Variants in BCAR3 observed in about 807,000 individuals in gnomAD.
The protein encoded by BCAR3 is breast cancer anti-estrogen resistance protein 3.
BCAR3 carries 37 observed loss-of-function variants against 80.1 expected under a neutral mutation model. That is an observed-to-expected ratio of 0.46 (90% CI 0.36 to 0.61). The LOEUF is 0.61. Ranked by LOEUF, BCAR3 falls within the 20% of genes least tolerant of loss-of-function variation. The pLI, the probability that BCAR3 is intolerant of heterozygous loss-of-function variation, is 0.00. For synonymous variants in BCAR3, 389 were observed against 418.9 expected (o/e 0.93, Z 0.87); for missense variants, 978 against 1,068.2 (o/e 0.92, Z 1.18).
At chr1:93,564,286 CTTTCTTT>C (rs1285348203) in intron 11 of BCAR3, among the ~76,000 whole-genome samples, 89 of 109,026 alleles carry the variant, frequency 8.2e-4, no homozygotes, top group Middle Eastern at 0.01. Context: ...GAATTTCTTT[CTTTCTTT>C]TTTTTTTTTT....
At position 93,761,846 on chromosome 1, in the gene BCAR3, C is replaced by CATCA. The variant is rs368160429; in HGVS notation, c.-62-55708_-62-55705dup. On this transcript the variant is annotated intron_variant, in intron 2 of 13. Transcript: ENST00000370244. ...TGCCCATGAGCCAGTCCATTGATTA[C>CATCA]ATCAATAGCATCCTCCCTGCTATTC... Among the ~76,000 whole-genome samples, 509 of 152,282 alleles carry CATCA rather than the reference C, an allele frequency of 3.3e-3. 2 individuals carry two copies. Among genetic ancestry groups the CATCA allele is most frequent in the African/African-American group, 0.012 (481 of 41,556 alleles).
At chr1:93,602,908 C>A (rs1251104093) in intron 3 of BCAR3, among the ~76,000 whole-genome samples, 5 of 152,206 alleles carry the variant, frequency 3.3e-5, no homozygotes, top group African/African-American at 9.6e-5. Context: ...TTGTGGCGAT[C>A]CTAAAGCCTT....
chr1:93,685,265 T>G (rs1355008050), upstream of BCAR3, among the ~76,000 whole-genome samples: 1 of 152,178 alleles, frequency 6.6e-6, no homozygotes, highest in Non-Finnish European at 1.5e-5. Flanking sequence ...CTTACCTCTG[T>G]CTCCCATCTG....
At chr1:93,826,127 TA>T in intron 2 of BCAR3, among the ~76,000 whole-genome samples, 1 of 152,106 alleles carries the variant, frequency 6.6e-6, no homozygotes. Context: ...CCTGCCATGG[TA>T]AGGACTCCAG....
At chr1:93,635,343 A>G (rs1313050273) in intron 3 of BCAR3, among the ~76,000 whole-genome samples, 1 of 150,754 alleles carries the variant, frequency 6.6e-6, no homozygotes, top group Non-Finnish European at 1.5e-5. Flanking sequence ...GTTTTTGTCA[A>G]TTACGAATAA....
At chr1:93,568,228 A>G (rs1326113412) in intron 9 of BCAR3, 4 of 162,540 alleles carry the variant, frequency 2.5e-5, no homozygotes, top group Non-Finnish European at 5.4e-5. Flanking sequence ...CTTTTGCTTA[A>G]ATTTTGGAAC....
chr1:93,638,015 C>T (rs1290539463), intron 3 of BCAR3, among the ~76,000 whole-genome samples: 2 of 152,098 alleles, frequency 1.3e-5, no homozygotes, highest in Non-Finnish European at 1.5e-5. Flanking sequence ...TTTGGGAGGC[C>T]GAGGTGAGTG....
Position 93,795,750 on chromosome 1 carries a change from A to G in BCAR3, c.-63+49817T>C, listed in dbSNP as rs1159943125. On this transcript the variant is annotated intron_variant, in intron 2 of 13. Transcript: ENST00000370244. ...AGGCGCTCTGCTTTTTAGAGTTTCC[A>G]GTTTTTCTGTTCTGTTTTTTCCCCA... Among the ~76,000 whole-genome samples, 8 of 860 alleles carry G rather than the reference A, an allele frequency of 9.3e-3. No homozygotes were observed. In the African/African-American group the frequency reaches 0.11, roughly 12 times the overall value. The allele number at this position is 860 out of a possible 152,430, so 0.6% of individuals were successfully genotyped here.
intron 9 of BCAR3, among the ~76,000 whole-genome samples, chr1:93,569,064 ACTGACT>A (rs1673097019): frequency 6.6e-6 from 1 of 152,204 alleles, no homozygotes; most frequent in Non-Finnish European, 1.5e-5. Context: ...AGCATACACC[ACTGACT>A]CTGACTGTCC....
chr1:93,608,995 G>A (rs1487449110), intron 3 of BCAR3, among the ~76,000 whole-genome samples: 1 of 152,180 alleles, frequency 6.6e-6, no homozygotes, highest in Non-Finnish European at 1.5e-5. Flanking sequence ...TCCCCAAGCT[G>A]TCACCGTAAC....
At chr1:93,577,136 A>G (rs894191397) in intron 7 of BCAR3, among the ~76,000 whole-genome samples, 4 of 152,180 alleles carry the variant, frequency 2.6e-5, no homozygotes, top group African/African-American at 4.8e-5. Flanking sequence ...CCGGGGTGAG[A>G]GCAAGACACT....
chr1:93,596,091 GCTAT>G (rs1674409281), intron 3 of BCAR3, among the ~76,000 whole-genome samples: 1 of 152,328 alleles, frequency 6.6e-6, no homozygotes, highest in African/African-American at 2.4e-5. Context: ...CCTCTGTGTG[GCTAT>G]CTGTGTCCTC....
At chr1:93,639,215 G>C (rs1391244007) in intron 3 of BCAR3, among the ~76,000 whole-genome samples, 1 of 152,106 alleles carries the variant, frequency 6.6e-6, no homozygotes, top group East Asian at 1.9e-4. Context: ...TGAATGTACT[G>C]CAACACAAAC....
chr1:93,829,047 G>A (rs769985884), intron 2 of BCAR3, among the ~76,000 whole-genome samples: 4 of 152,138 alleles, frequency 2.6e-5, no homozygotes, highest in Non-Finnish European at 5.9e-5. Flanking sequence ...GGAGTGGAAA[G>A]TTTAATAGAA....
chr1:93,623,247 A>G (rs148391346), intron 3 of BCAR3, among the ~76,000 whole-genome samples: 1,723 of 152,338 alleles, frequency 0.011, 28 homozygotes, highest in African/African-American at 0.036. Flanking sequence ...TGTATCCTGA[A>G]TAGAGATAAT....
At chr1:93,763,084 G>T (rs1652010967) in intron 2 of BCAR3, among the ~76,000 whole-genome samples, 1 of 152,076 alleles carries the variant, frequency 6.6e-6, no homozygotes, top group Non-Finnish European at 1.5e-5. Flanking sequence ...ATTTTGTTTT[G>T]TTTTTTGAGA....
intron 2 of BCAR3, among the ~76,000 whole-genome samples, chr1:93,749,587 A>AG (rs1468791884): frequency 8.2e-6 from 1 of 121,358 alleles, no homozygotes; most frequent in African/African-American, 4.4e-5. Context: ...AGACTCCGTC[A>AG]AAAAAAAAAA....
At chr1:93,737,723 A>G (rs1651024620) in intron 2 of BCAR3, among the ~76,000 whole-genome samples, 2 of 152,256 alleles carry the variant, frequency 1.3e-5, no homozygotes, top group African/African-American at 4.8e-5. Flanking sequence ...TGGCAAAATC[A>G]TAAGGACATA....
At chr1:93,614,338 T>G (rs1223939795) in intron 3 of BCAR3, among the ~76,000 whole-genome samples, 1 of 152,160 alleles carries the variant, frequency 6.6e-6, no homozygotes, top group East Asian at 1.9e-4. Context: ...GGGGCTGAAC[T>G]GTACCATGCG....
Sources: allele counts gnomAD v4.1 joint callset (sites outside exome capture counted in the v4.1 genomes callset), GRCh38; gene constraint gnomAD v4.1.1; transcripts MANE v1.5; gene names NCBI Gene and HGNC (gene_info 2026-07-23, HGNC 2026-07-21).